Variants in GRIP1 observed in about 807,000 individuals in gnomAD.
GRIP1 encodes the protein glutamate receptor-interacting protein 1.
A neutral mutation model predicts 129.9 loss-of-function variants in GRIP1; 45 were observed. The ratio of observed to expected loss-of-function variants is 0.35; its 90% CI spans 0.27 to 0.44. The LOEUF (loss-of-function observed/expected upper bound fraction) is 0.44. Ranked by LOEUF, GRIP1 falls within the 20% of genes least tolerant of loss-of-function variation. The pLI, the probability that GRIP1 is intolerant of heterozygous loss-of-function variation, is 1.00. For missense variants in GRIP1, 1,196 were observed against 1,396.8 expected (o/e 0.86, Z 2.29); for synonymous variants, 530 against 520.8 (o/e 1.02, Z -0.24).
chr12:66,967,350 A>G (rs894475768), intron 1 of GRIP1, among the ~76,000 whole-genome samples: 2 of 152,116 alleles, frequency 1.3e-5, no homozygotes, highest in Admixed American at 1.3e-4. Context: ...GTTATTGTTA[A>G]CTCTAGTCAC....
chr12:66,844,370 C>T (rs1342145548), intron 1 of GRIP1, among the ~76,000 whole-genome samples: 9 of 152,058 alleles, frequency 5.9e-5, no homozygotes, highest in South Asian at 2.1e-4. Flanking sequence ...ATTAGGAATA[C>T]GCAAATCAAA....
In GRIP1 at chr12:66,915,044, G is replaced by T. The variant is rs112547724; in HGVS notation, c.58+154006C>A. Among the ~76,000 whole-genome samples the T allele has an allele frequency of 3.2e-3, 481 of 152,240 alleles. 1 individual carries two copies. The highest frequency in any genetic ancestry group is 0.011 in the African/African-American group (458 of 41,556). ...TCATGTCTCTGGATGTCCCAGTTTT[G>T]TGTCTCCCAATTTACCTGATCTTGA... is the stretch of plus-strand genomic sequence containing the variant. On this transcript the variant is annotated intron_variant, in intron 1 of 1. Transcript: ENST00000643019.
chr12:66,391,893 G>A (rs2056603851), intron 19 of GRIP1, among the ~76,000 whole-genome samples: 1 of 152,034 alleles, frequency 6.6e-6, no homozygotes, highest in African/African-American at 2.4e-5. Context: ...AATAAATAGA[G>A]TCACAAATCA....
intron 1 of GRIP1, among the ~76,000 whole-genome samples, chr12:66,628,974 T>C (rs1316000830): frequency 6.6e-6 from 1 of 152,222 alleles, no homozygotes; most frequent in African/African-American, 2.4e-5. Flanking sequence ...CACTCACAAG[T>C]AGTAGCTACT....
chr12:67,006,003 A>G (rs1412697135), intron 1 of GRIP1, among the ~76,000 whole-genome samples: 2 of 152,194 alleles, frequency 1.3e-5, no homozygotes, highest in African/African-American at 2.4e-5. Context: ...TTCCATGCAT[A>G]ATATCCACAT....
chr12:66,665,761 G>A (rs2033760355), intron 1 of GRIP1, among the ~76,000 whole-genome samples: 2 of 152,180 alleles, frequency 1.3e-5, no homozygotes, highest in Admixed American at 1.3e-4. Context: ...GAGTCACGTA[G>A]CATGCATTTT....
chr12:66,358,655 G>C (rs1028780405), intron 23 of GRIP1, among the ~76,000 whole-genome samples: 3 of 151,996 alleles, frequency 2.0e-5, no homozygotes, highest in Non-Finnish European at 2.9e-5. Flanking sequence ...CGCCATGTTG[G>C]CCAGGATGGT....
At chr12:66,961,780 T>A (rs1310380966) in intron 1 of GRIP1, among the ~76,000 whole-genome samples, 1 of 152,172 alleles carries the variant, frequency 6.6e-6, no homozygotes, top group East Asian at 1.9e-4. Flanking sequence ...GCAGGTTTAC[T>A]CTGTGCATTT....
At chr12:66,479,172 C>T (rs973675258) in intron 7 of GRIP1, among the ~76,000 whole-genome samples, 1 of 150,756 alleles carries the variant, frequency 6.6e-6, no homozygotes, top group African/African-American at 2.4e-5. Flanking sequence ...AGACCACTAG[C>T]CAGACTAATA....
At chr12:66,795,697 AG>A (rs1389136918) in intron 1 of GRIP1, among the ~76,000 whole-genome samples, 1 of 152,214 alleles carries the variant, frequency 6.6e-6, no homozygotes, top group African/African-American at 2.4e-5. Context: ...AGCAATATAA[AG>A]GGTCTAATTC....
intron 1 of GRIP1, among the ~76,000 whole-genome samples, chr12:66,875,735 G>T (rs2040371978): frequency 6.6e-6 from 1 of 151,924 alleles, no homozygotes; most frequent in Non-Finnish European, 1.5e-5. Context: ...GCTTTAACTG[G>T]TTACAAATTA....
Position 66,430,470 on chromosome 12 carries a change from T to C in GRIP1, c.1768+2078A>G, listed in dbSNP as rs1398580104. 2.6e-5 allele frequency among the ~76,000 whole-genome samples: 4 copies of C among 152,198 alleles called. No homozygotes were observed. The East Asian group carries it at 7.7e-4, about 29-fold the overall frequency. ...CATCTTTATGGGGGTTTTTAGATTG[T>C]TGCCATTATTGCTACTAAAACCCAT... On this transcript the variant is annotated intron_variant, in intron 14 of 24. Coordinates refer to ENST00000359742, the MANE Select transcript of GRIP1 (RefSeq NM_001366722.1).
intron 7 of GRIP1, among the ~76,000 whole-genome samples, chr12:66,467,040 A>G (rs911974016): frequency 6.6e-6 from 1 of 152,216 alleles, no homozygotes; most frequent in Admixed American, 6.5e-5. Flanking sequence ...CAACATGCAT[A>G]TCCAGTGCTA....
intron 1 of GRIP1, among the ~76,000 whole-genome samples, chr12:66,708,335 C>T (rs909844421): frequency 2.6e-5 from 4 of 151,912 alleles, no homozygotes; most frequent in African/African-American, 7.2e-5. Context: ...AAAAAAAATC[C>T]TAACCCCTGT....
intron 5 of GRIP1, among the ~76,000 whole-genome samples, chr12:66,525,464 T>G (rs1357853449): frequency 6.6e-6 from 1 of 152,100 alleles, no homozygotes; most frequent in Non-Finnish European, 1.5e-5. Context: ...GAAAAGGCCT[T>G]TGACAAAATT....
At chr12:66,487,309 AT>A (rs1456069221) in intron 7 of GRIP1, among the ~76,000 whole-genome samples, 1 of 152,230 alleles carries the variant, frequency 6.6e-6, no homozygotes, top group African/African-American at 2.4e-5. Context: ...GCCAGAAGAG[AT>A]TGGGGGCCAA....
At chr12:66,555,399 A>C (rs1343808993) in intron 2 of GRIP1, among the ~76,000 whole-genome samples, 1 of 152,168 alleles carries the variant, frequency 6.6e-6, no homozygotes, top group Admixed American at 6.5e-5. Flanking sequence ...ATTAGATTCC[A>C]ACACCCACGT....
chr12:66,478,688 C>G (rs1050063836), intron 7 of GRIP1, among the ~76,000 whole-genome samples: 1 of 143,414 alleles, frequency 7.0e-6, no homozygotes, highest in Non-Finnish European at 1.6e-5. Context: ...CCATGGAATA[C>G]TATGCAGCCA....
At chr12:66,359,714 C>T (rs1379512321) in intron 23 of GRIP1, among the ~76,000 whole-genome samples, 1 of 152,112 alleles carries the variant, frequency 6.6e-6, no homozygotes, top group African/African-American at 2.4e-5. Flanking sequence ...ATATGGTTCT[C>T]CTGGAAGTAG....
Sources: allele counts gnomAD v4.1 joint callset (sites outside exome capture counted in the v4.1 genomes callset), GRCh38; gene constraint gnomAD v4.1.1; transcripts MANE v1.5; gene names NCBI Gene and HGNC (gene_info 2026-07-23, HGNC 2026-07-21).